The following PRKG1 variants were observed in gnomAD, a reference collection of about 807,000 sequenced individuals.
The protein encoded by PRKG1 is cGMP-dependent protein kinase 1.
A neutral mutation model predicts 88.1 loss-of-function variants in PRKG1; 35 were observed. That is an observed-to-expected ratio of 0.40 (90% CI 0.30 to 0.53). The LOEUF (loss-of-function observed/expected upper bound fraction) is 0.53. Ranked by LOEUF, PRKG1 falls within the 20% of genes least tolerant of loss-of-function variation. The probability of loss-of-function intolerance (pLI) is 0.59; values close to 1 mark genes in which losing one functional copy is unlikely to be tolerated. For missense variants in PRKG1, 540 were observed against 839.8 expected, an observed-to-expected ratio of 0.64 and a Z score of 4.41; for synonymous variants, 303 against 292.5, an observed-to-expected ratio of 1.04 and a Z score of -0.37.
chr10:52,091,789 A>G (rs1227660922), intron 7 of PRKG1, among the ~76,000 whole-genome samples: 1 of 152,222 alleles, frequency 6.6e-6, no homozygotes, highest in Admixed American at 6.5e-5. Flanking sequence ...AAATCAAAGC[A>G]TGCATTAAAG....
chr10:52,044,077 GATA>G (rs1845811419), intron 5 of PRKG1, among the ~76,000 whole-genome samples: 1 of 152,076 alleles, frequency 6.6e-6, no homozygotes, highest in Non-Finnish European at 1.5e-5. Context: ...AGGCTTAAAA[GATA>G]ATGATGTGCT....
intron 1 of PRKG1, among the ~76,000 whole-genome samples, chr10:51,081,614 T>A (rs114914658): frequency 8.9e-4 from 135 of 152,352 alleles, no homozygotes; most frequent in African/African-American, 3.0e-3. Flanking sequence ...GGGCAACAAC[T>A]CAGTGCATCC....
intron 2 of PRKG1, among the ~76,000 whole-genome samples, chr10:51,300,954 C>T (rs1020596613): frequency 1.4e-4 from 21 of 152,240 alleles, no homozygotes; most frequent in Non-Finnish European, 2.9e-5. Flanking sequence ...TCTAATTTCA[C>T]TTTCCTCTTA....
At chr10:52,287,200 T>A (rs1842135743) in intron 14 of PRKG1, among the ~76,000 whole-genome samples, 1 of 151,978 alleles carries the variant, frequency 6.6e-6, no homozygotes, top group Non-Finnish European at 1.5e-5. Flanking sequence ...ACTGGCATGT[T>A]AAGAGATTAA....
At position 51,131,134 on chromosome 10, in the gene PRKG1, G is replaced by A. The variant is rs145721861; in HGVS notation, c.312-22030G>A. On this transcript the variant is annotated intron_variant, in intron 1 of 17. Coordinates refer to ENST00000373980, the MANE Select transcript of PRKG1 (RefSeq NM_006258.4). ...GATTTTCCCATCCTCTGAAATATTTGTATGGCACGTTTTGGTTTGATTTCC... is the reference window on the plus strand; with the variant it reads ...GATTTTCCCATCCTCTGAAATATTTATATGGCACGTTTTGGTTTGATTTCC... 2.1e-3 allele frequency among the ~76,000 whole-genome samples: 316 copies of A among 152,182 alleles called. 2 individuals are homozygous for A. The highest frequency in any genetic ancestry group is 7.4e-3 in the African/African-American group (306 of 41,520).
intron 1 of PRKG1, among the ~76,000 whole-genome samples, chr10:51,022,003 A>G (rs567880715): frequency 1.3e-5 from 2 of 152,300 alleles, no homozygotes; most frequent in African/African-American, 4.8e-5. Flanking sequence ...TATAATGGGT[A>G]TGAATCTTAT....
At chr10:51,149,114 C>G (rs373650525) in intron 1 of PRKG1, among the ~76,000 whole-genome samples, 3 of 152,080 alleles carry the variant, frequency 2.0e-5, no homozygotes, top group African/African-American at 7.2e-5. Context: ...CTTGTTTTTA[C>G]TTCTACTTAG....
intron 5 of PRKG1, among the ~76,000 whole-genome samples, chr10:51,947,456 G>C (rs7895298): frequency 7.6e-6 from 1 of 131,432 alleles, no homozygotes; most frequent in Non-Finnish European, 1.7e-5. Context: ...CTCGCGCATG[G>C]TGCGCTGCAC....
chr10:52,254,925 C>T (rs991332395), intron 10 of PRKG1, among the ~76,000 whole-genome samples: 3 of 152,094 alleles, frequency 2.0e-5, no homozygotes, highest in Admixed American at 1.3e-4. Context: ...CTCAGCATAA[C>T]TGACATTCAC....
intron 4 of PRKG1, among the ~76,000 whole-genome samples, chr10:51,815,347 A>C (rs78203545): frequency 0.03 from 4,544 of 152,288 alleles, 107 homozygotes; most frequent in Non-Finnish European, 0.05. Context: ...GTTCTTTTCC[A>C]TAAGGAAAAC....
At chr10:51,517,451 A>C (rs1841619321) in intron 3 of PRKG1, among the ~76,000 whole-genome samples, 1 of 152,230 alleles carries the variant, frequency 6.6e-6, no homozygotes, top group Non-Finnish European at 1.5e-5. Flanking sequence ...ACACTTGCTG[A>C]TGACCTGGAT....
chr10:51,376,033 T>G (rs529863951), intron 2 of PRKG1, among the ~76,000 whole-genome samples: 286 of 152,312 alleles, frequency 1.9e-3, no homozygotes, highest in African/African-American at 6.4e-3. Context: ...TGCAGAAAAT[T>G]TGCAAACCGA....
intron 2 of PRKG1, among the ~76,000 whole-genome samples, chr10:51,390,913 T>G (rs1837378879): frequency 6.6e-6 from 1 of 152,128 alleles, no homozygotes; most frequent in Non-Finnish European, 1.5e-5. Context: ...CAACAAAAAA[T>G]TATCCAGTCC....
At chr10:52,101,140 T>A (rs1231380759) in intron 7 of PRKG1, among the ~76,000 whole-genome samples, 1 of 152,184 alleles carries the variant, frequency 6.6e-6, no homozygotes, top group East Asian at 1.9e-4. Flanking sequence ...TCTGCATTTT[T>A]ATAATACTTC....
chr10:51,673,498 G>A (rs922229885), intron 3 of PRKG1, among the ~76,000 whole-genome samples: 1 of 152,144 alleles, frequency 6.6e-6, no homozygotes, highest in Admixed American at 6.5e-5. Flanking sequence ...AGGAGTTTCA[G>A]TAAGGGGAAA....
chr10:51,343,424 C>A (rs1026647281), intron 2 of PRKG1, among the ~76,000 whole-genome samples: 9 of 152,114 alleles, frequency 5.9e-5, no homozygotes, highest in African/African-American at 2.2e-4. Context: ...TGGCATTCTG[C>A]AGTTTTGACT....
intron 3 of PRKG1, among the ~76,000 whole-genome samples, chr10:51,531,932 C>T (rs1228086413): frequency 1.3e-5 from 2 of 152,120 alleles, no homozygotes; most frequent in Non-Finnish European, 1.5e-5. Context: ...CATGAGCTAC[C>T]GTGCCCTGCC....
chr10:51,686,034 T>C (rs1373221422), intron 3 of PRKG1, among the ~76,000 whole-genome samples: 1 of 152,120 alleles, frequency 6.6e-6, no homozygotes, highest in African/African-American at 2.4e-5. Context: ...TTCTATGTAA[T>C]CCTGGGTAAA....
chr10:51,442,508 A>C (rs1012922977), intron 2 of PRKG1, among the ~76,000 whole-genome samples: 2 of 152,004 alleles, frequency 1.3e-5, no homozygotes, highest in Non-Finnish European at 2.9e-5. Flanking sequence ...TTATACAACA[A>C]ATGTGACTGA....
Sources: gnomAD v4.1 joint callset for allele counts (sites outside exome capture counted in the v4.1 genomes callset) on GRCh38, gnomAD v4.1.1 for gene constraint, MANE v1.5 for transcripts, NCBI Gene and HGNC (gene_info 2026-07-23, HGNC 2026-07-21) for gene names.